Variants in ZMAT4 observed in about 807,000 individuals in gnomAD.
ZMAT4 encodes the protein zinc finger matrin-type 4.
Under a neutral mutation model 28.7 loss-of-function variants are expected in ZMAT4, and 17 were observed. The observed-to-expected ratio is 0.59, with a 90% CI of 0.41 to 0.89. ZMAT4 has a LOEUF of 0.89. Ranked by LOEUF, ZMAT4 falls within the 40% of genes least tolerant of loss-of-function variation. The probability of loss-of-function intolerance (pLI) is 0.00; values close to 1 mark genes in which losing one functional copy is unlikely to be tolerated. For missense variants in ZMAT4, 240 were observed against 283.8 expected (o/e 0.85, Z 1.11); for synonymous variants, 117 against 109.2 (o/e 1.07, Z -0.44).
rs373342286 is a variant in ZMAT4, at chr8:40,574,553, C to A, written c.674+6612G>T. ...TGGTGCCTGGCATTTGTTCCTCCCA[C>A]AAAAAAAGAACCAAAATAAAAAATA... is the stretch of plus-strand genomic sequence containing the variant. On this transcript the variant is annotated intron_variant, in intron 6 of 6. Transcript: ENST00000297737. Among the ~76,000 whole-genome samples the A allele has an allele frequency of 5.9e-5, 9 of 151,966 alleles. No individual in the cohort carries two copies. In the East Asian group the frequency reaches 1.7e-3, roughly 29 times the overall value.
At chr8:40,547,160 G>A (rs997710665) in intron 6 of ZMAT4, among the ~76,000 whole-genome samples, 18 of 152,296 alleles carry the variant, frequency 1.2e-4, no homozygotes, top group South Asian at 2.1e-4. Flanking sequence ...GCGGGCTTGC[G>A]TGTGTCACCA....
At chr8:40,571,425 G>A (rs573068334) in intron 6 of ZMAT4, among the ~76,000 whole-genome samples, 55 of 152,252 alleles carry the variant, frequency 3.6e-4, no homozygotes, top group African/African-American at 1.3e-3. Flanking sequence ...TTCCATGTGA[G>A]AAGTTAGAGC....
At chr8:40,873,284 C>G (rs990290837) in intron 1 of ZMAT4, among the ~76,000 whole-genome samples, 5 of 152,188 alleles carry the variant, frequency 3.3e-5, no homozygotes, top group Admixed American at 3.3e-4. Flanking sequence ...TACAAAAATG[C>G]CCACTTATCA....
At chr8:40,818,106 C>T (rs1474347400) in intron 2 of ZMAT4, among the ~76,000 whole-genome samples, 6 of 152,236 alleles carry the variant, frequency 3.9e-5, no homozygotes, top group African/African-American at 1.2e-4. Context: ...TGCTCTTAGC[C>T]GTGTGCATAT....
chr8:40,691,650 TTACACTTGTA>T (rs779012957), intron 4 of ZMAT4, among the ~76,000 whole-genome samples: 5 of 152,206 alleles, frequency 3.3e-5, no homozygotes, highest in Non-Finnish European at 7.3e-5. Context: ...GTGTGTATGC[TTACACTTGTA>T]TGTATTTACA....
At chr8:40,586,810 T>A (rs897303059) in intron 5 of ZMAT4, among the ~76,000 whole-genome samples, 10 of 152,180 alleles carry the variant, frequency 6.6e-5, no homozygotes, top group Admixed American at 6.5e-4. Context: ...CATTTTCTTA[T>A]AGAGCTAATC....
chr8:40,816,853 G>C (rs918312845), intron 2 of ZMAT4, among the ~76,000 whole-genome samples: 3 of 152,174 alleles, frequency 2.0e-5, no homozygotes, highest in Admixed American at 2.0e-4. Context: ...ATATGAAAGA[G>C]ACAATCCATA....
chr8:40,538,045 A>T (rs1025407112), intron 6 of ZMAT4, among the ~76,000 whole-genome samples: 3 of 152,194 alleles, frequency 2.0e-5, no homozygotes, highest in African/African-American at 7.2e-5. Flanking sequence ...CTCTTTTAAA[A>T]TTTAACCTAA....
intron 1 of ZMAT4, among the ~76,000 whole-genome samples, chr8:40,860,654 A>G (rs1015006366): frequency 1.3e-5 from 2 of 152,240 alleles, no homozygotes; most frequent in African/African-American, 4.8e-5. Flanking sequence ...GGCAGAGAAC[A>G]CAGACCACAT....
At chr8:40,565,783 T>C (rs1803903993) in intron 6 of ZMAT4, among the ~76,000 whole-genome samples, 1 of 146,820 alleles carries the variant, frequency 6.8e-6, no homozygotes, top group Non-Finnish European at 1.5e-5. Flanking sequence ...TAATAAGAGC[T>C]CCTCAGAGAA....
At chr8:40,870,090 C>T (rs973196853) in intron 1 of ZMAT4, among the ~76,000 whole-genome samples, 1 of 152,160 alleles carries the variant, frequency 6.6e-6, no homozygotes, top group Non-Finnish European at 1.5e-5. Flanking sequence ...GAAAAGATGT[C>T]CTTTTGTAAA....
chr8:40,732,774 A>G (rs184151699), intron 3 of ZMAT4, among the ~76,000 whole-genome samples: 231 of 151,656 alleles, frequency 1.5e-3, no homozygotes, highest in African/African-American at 5.4e-3. Context: ...TGTGGGAAGA[A>G]GAAAAAGGCA....
rs192500683 is a variant in ZMAT4 at position 40,789,632 on chromosome 8, T to C, written c.103-21902A>G. ...GAAGACCCCATTTACCCTGATGTAA[T>C]TACTATGCATTGTATACCTGTATCA... On this transcript the variant is annotated intron_variant, in intron 2 of 6. Transcript: ENST00000297737. Among the ~76,000 whole-genome samples the C allele has an allele frequency of 2.6e-4, 39 of 152,300 alleles. No individual in the cohort carries two copies. In the East Asian group the frequency reaches 6.8e-3, roughly 26 times the overall value.
At chr8:40,731,108 A>G (rs1002517144) in intron 3 of ZMAT4, among the ~76,000 whole-genome samples, 2 of 147,052 alleles carry the variant, frequency 1.4e-5, no homozygotes, top group African/African-American at 4.9e-5. Flanking sequence ...CTGATCACAG[A>G]GGTGCAAAGA....
intron 2 of ZMAT4, among the ~76,000 whole-genome samples, chr8:40,784,609 T>C (rs912730994): frequency 1.3e-5 from 2 of 152,216 alleles, no homozygotes; most frequent in Admixed American, 1.3e-4. Flanking sequence ...AGCTAAAACG[T>C]ATTGTTTGCA....
At chr8:40,835,005 G>C (rs1816425326) in intron 1 of ZMAT4, among the ~76,000 whole-genome samples, 4 of 152,236 alleles carry the variant, frequency 2.6e-5, no homozygotes, top group South Asian at 4.1e-4. Flanking sequence ...GCAGCATGAT[G>C]GAGCGCAGAT....
At chr8:40,644,733 A>C (rs1336074796) in intron 5 of ZMAT4, among the ~76,000 whole-genome samples, 1 of 152,196 alleles carries the variant, frequency 6.6e-6, no homozygotes, top group Non-Finnish European at 1.5e-5. Flanking sequence ...GATGACTAAG[A>C]GTGACCAAGA....
chr8:40,603,804 G>T (rs1452029327), intron 5 of ZMAT4, among the ~76,000 whole-genome samples: 1 of 151,862 alleles, frequency 6.6e-6, no homozygotes, highest in Non-Finnish European at 1.5e-5. Flanking sequence ...AATTTTTTTT[G>T]TATTTTTAGT....
intron 5 of ZMAT4, among the ~76,000 whole-genome samples, chr8:40,584,068 A>C (rs920509123): frequency 2.6e-5 from 4 of 152,168 alleles, no homozygotes; most frequent in African/African-American, 7.2e-5. Flanking sequence ...TTTAGGAAGA[A>C]AATGGGAGGC....
Sources: allele counts gnomAD v4.1 joint callset (sites outside exome capture counted in the v4.1 genomes callset), GRCh38; gene constraint gnomAD v4.1.1; transcripts MANE v1.5; gene names NCBI Gene and HGNC (gene_info 2026-07-23, HGNC 2026-07-21).